ANKRD30B: variants seen among roughly 807,000 people sequenced by gnomAD.
ANKRD30B encodes ankyrin repeat domain-containing protein 30B.
In ANKRD30B, 144 loss-of-function variants were observed where a neutral mutation model predicts 202.2. The observed-to-expected ratio is 0.71, with a 90% CI of 0.62 to 0.82. The LOEUF (loss-of-function observed/expected upper bound fraction) is 0.82. Ranked by LOEUF, ANKRD30B falls within the 40% of genes least tolerant of loss-of-function variation. The probability of loss-of-function intolerance (pLI) is 0.00; values close to 1 mark genes in which losing one functional copy is unlikely to be tolerated. For synonymous variants in ANKRD30B, 508 were observed against 561.3 expected, an observed-to-expected ratio of 0.91 and a Z score of 1.34; for missense variants, 1,487 against 1,669.1, an observed-to-expected ratio of 0.89 and a Z score of 1.90.
the ANKRD30B span, among the ~76,000 whole-genome samples, chr18:14,862,678 A>T: frequency 6.6e-6 from 1 of 152,170 alleles, no homozygotes; most frequent in African/African-American, 2.4e-5. Flanking sequence ...CCACCTCGAG[A>T]TCCCTGAATG....
At chr18:14,860,082 G>A in the ANKRD30B span, among the ~76,000 whole-genome samples, 4 of 137,948 alleles carry the variant, frequency 2.9e-5, no homozygotes, top group East Asian at 6.8e-4. Flanking sequence ...CCAGACAATG[G>A]GCGGCCAGGC....
At chr18:14,860,746 C>A in the ANKRD30B span, among the ~76,000 whole-genome samples, 2 of 151,876 alleles carry the variant, frequency 1.3e-5, no homozygotes, top group Non-Finnish European at 1.5e-5. Context: ...ACTTTGCCAC[C>A]CAGGCTGGAG....
the ANKRD30B span, among the ~76,000 whole-genome samples, chr18:14,860,191 G>A: frequency 1.3e-5 from 2 of 149,266 alleles, no homozygotes; most frequent in South Asian, 2.2e-4. Context: ...TCACCTCCCA[G>A]ATGATGGGCA....
the ANKRD30B span, among the ~76,000 whole-genome samples, chr18:14,936,994 G>T: frequency 6.6e-6 from 1 of 152,194 alleles, no homozygotes; most frequent in Non-Finnish European, 1.5e-5. Flanking sequence ...CTAGGACCCC[G>T]CTGGGTCCCC....
the ANKRD30B span, among the ~76,000 whole-genome samples, chr18:14,923,276 C>A: frequency 1.3e-5 from 2 of 152,168 alleles, no homozygotes; most frequent in African/African-American, 4.8e-5. Flanking sequence ...AGGGAGCTCA[C>A]TGCCCTGAAG....
intron 4 of ANKRD30B, among the ~76,000 whole-genome samples, chr18:14,757,390 C>T (rs1914537375): frequency 6.6e-6 from 1 of 152,194 alleles, no homozygotes; most frequent in African/African-American, 2.4e-5. Flanking sequence ...ACATTCTTAT[C>T]AACATCATTA....
At chr18:14,774,663 AC>A (rs1967236665) in intron 9 of ANKRD30B, among the ~76,000 whole-genome samples, 1 of 152,160 alleles carries the variant, frequency 6.6e-6, no homozygotes, top group Non-Finnish European at 1.5e-5. Context: ...ACTATTAAAA[AC>A]TAAACTTTCA....
chr18:14,836,635 C>A (rs1432924648), intron 34 of ANKRD30B, among the ~76,000 whole-genome samples: 3 of 151,998 alleles, frequency 2.0e-5, no homozygotes, highest in Non-Finnish European at 4.4e-5. Flanking sequence ...GAGTGGATAC[C>A]CATTACATGA....
In ANKRD30B at chr18:14,760,584, A is replaced by G. The variant is rs933330437; in HGVS notation, c.786A>G (p.Arg262=). The part of the protein sequence containing the change: ...YIHQQLLEHI[R]KLPKNPQNTN... The stretch of plus-strand genomic sequence containing the variant: ...ATCAACAACTTTTGGAACATATACG[A>G]AAATTACCTAAAAATCCTCAAAATA... The change falls in exon 6 of 44, where the codon CGA becomes CGG. Residue 262 remains arginine (R), a synonymous_variant. Coordinates refer to ENST00000690538, the MANE Select transcript of ANKRD30B (RefSeq NM_001367607.2). The G allele has an allele frequency of 5.2e-6, 8 of 1,531,296 alleles. No individual in the cohort carries two copies. Among genetic ancestry groups the G allele is most frequent in the Non-Finnish European group, 7.0e-6 (8 of 1,135,630 alleles). 94.9% of individuals were successfully genotyped at this position (1,531,296 alleles called of 1,614,324 possible). A position where few individuals can be genotyped will look rare whatever the true frequency, so the allele number is the denominator to read the frequency against.
chr18:14,894,423 T>C, the ANKRD30B span, among the ~76,000 whole-genome samples: 1 of 152,148 alleles, frequency 6.6e-6, no homozygotes, highest in Non-Finnish European at 1.5e-5. Context: ...ACAGAATCCA[T>C]GCCCACCAAT....
intron 30 of ANKRD30B, among the ~76,000 whole-genome samples, chr18:14,819,921 G>C (rs1970324423): frequency 6.6e-6 from 1 of 152,066 alleles, no homozygotes; most frequent in African/African-American, 2.4e-5. Flanking sequence ...TAGCTTGATG[G>C]GGATGGCATT....
chr18:14,749,670 C>CAAAAAAA (rs55960708), intron 1 of ANKRD30B, among the ~76,000 whole-genome samples: 8 of 61,190 alleles, frequency 1.3e-4, no homozygotes, highest in East Asian at 1.3e-3. Context: ...GACTCTGTCT[C>CAAAAAAA]AAAAAAAAAA....
intron 30 of ANKRD30B, among the ~76,000 whole-genome samples, chr18:14,819,828 A>G (rs1288241321): frequency 1.3e-5 from 2 of 152,126 alleles, no homozygotes; most frequent in Non-Finnish European, 2.9e-5. Flanking sequence ...TTGGCTTAGG[A>G]TTGACTTGGC....
chr18:14,868,928 G>A, the ANKRD30B span, among the ~76,000 whole-genome samples: 16 of 152,184 alleles, frequency 1.1e-4, no homozygotes, highest in African/African-American at 2.2e-4. Context: ...GGCTTCTCAC[G>A]GACTCTCAGA....
chr18:14,937,902 C>G, the ANKRD30B span, among the ~76,000 whole-genome samples: 3 of 152,238 alleles, frequency 2.0e-5, no homozygotes, highest in Admixed American at 6.5e-5. Flanking sequence ...ACTGCCCCCA[C>G]AAACTGTTCC....
chr18:14,757,176 T>C (rs955904302), intron 4 of ANKRD30B, among the ~76,000 whole-genome samples: 2 of 152,336 alleles, frequency 1.3e-5, no homozygotes, highest in Non-Finnish European at 2.9e-5. Context: ...AGGTGAATGA[T>C]AAAGAGAAAA....
At chr18:14,886,081 G>A in the ANKRD30B span, among the ~76,000 whole-genome samples, 11 of 151,962 alleles carry the variant, frequency 7.2e-5, no homozygotes, top group Admixed American at 2.0e-4. Flanking sequence ...GTATAGATTA[G>A]TCATTCTGTA....
chr18:14,831,788 C>G (rs1399648317), intron 34 of ANKRD30B, among the ~76,000 whole-genome samples: 1 of 152,040 alleles, frequency 6.6e-6, no homozygotes, highest in African/African-American at 2.4e-5. Flanking sequence ...TATATAAAAT[C>G]TGGTAAAGGT....
intron 11 of ANKRD30B, among the ~76,000 whole-genome samples, chr18:14,781,394 A>G (rs1022767578): frequency 4.3e-5 from 6 of 139,216 alleles, no homozygotes; most frequent in Non-Finnish European, 7.5e-5. Context: ...TCCTGGGTTC[A>G]CGCCATTCTC....
Sources: allele counts gnomAD v4.1 joint callset (sites outside exome capture counted in the v4.1 genomes callset), GRCh38; gene constraint gnomAD v4.1.1; transcripts MANE v1.5; gene names NCBI Gene and HGNC (gene_info 2026-07-23, HGNC 2026-07-21).